ANKRD30BL: variants seen among roughly 807,000 people sequenced by gnomAD.
ANKRD30BL encodes the protein putative ankyrin repeat domain-containing protein 30B-like.
In ANKRD30BL, 20 loss-of-function variants were observed where a neutral mutation model predicts 18.4. The ratio of observed to expected loss-of-function variants is 1.09; its 90% confidence interval spans 0.77 to 1.58. The LOEUF (loss-of-function observed/expected upper bound fraction) is 1.58. Among genes scored for constraint, ANKRD30BL ranks in the 40% most tolerant of loss-of-function variants. ANKRD30BL has a pLI of 0.00. For synonymous variants in ANKRD30BL, 72 were observed against 100.9 expected (o/e 0.71, Z 1.72); for missense variants, 224 against 268.6 (o/e 0.83, Z 1.16).
chr2:132,193,564 G>A (rs1453174598), intron 1 of ANKRD30BL, among the ~76,000 whole-genome samples: 1 of 151,992 alleles, frequency 6.6e-6, no homozygotes, highest in Non-Finnish European at 1.5e-5. Context: ...CCATGACCAT[G>A]TAATCTACTA....
chr2:132,167,269 CATTT>C (rs1451968339), intron 1 of ANKRD30BL, among the ~76,000 whole-genome samples: 1 of 139,722 alleles, frequency 7.2e-6, no homozygotes, highest in African/African-American at 2.8e-5. Flanking sequence ...TAATTACATT[CATTT>C]ATTTTTATTT....
chr2:132,235,348 C>T (rs969450451), intron 1 of ANKRD30BL, among the ~76,000 whole-genome samples: 2 of 152,080 alleles, frequency 1.3e-5, no homozygotes, highest in Non-Finnish European at 2.9e-5. Context: ...GGCAACTAGG[C>T]AGGAGAAGGA....
At chr2:132,211,618 C>G (rs1292148162) in intron 1 of ANKRD30BL, among the ~76,000 whole-genome samples, 1 of 152,050 alleles carries the variant, frequency 6.6e-6, no homozygotes, top group Non-Finnish European at 1.5e-5. Context: ...TTGATGTGTG[C>G]ATTCATCTCA....
At chr2:132,213,539 C>T (rs1679410235) in intron 1 of ANKRD30BL, among the ~76,000 whole-genome samples, 1 of 152,272 alleles carries the variant, frequency 6.6e-6, no homozygotes, top group African/African-American at 2.4e-5. Context: ...ATTTATCTTA[C>T]AGAGTTGAAC....
intron 1 of ANKRD30BL, among the ~76,000 whole-genome samples, chr2:132,200,492 C>T (rs1237701331): frequency 6.6e-6 from 1 of 152,122 alleles, no homozygotes; most frequent in Non-Finnish European, 1.5e-5. Context: ...CATTCTTATA[C>T]ACCAACAACA....
At position 132,238,994 on chromosome 2, in the gene ANKRD30BL, TTC is replaced by T. The variant is rs1242829513; in HGVS notation, n.441+18533_441+18534del. Among the ~76,000 whole-genome samples the T allele has an allele frequency of 2.0e-5, 3 of 152,120 alleles. No homozygotes were observed. The East Asian group carries it at 5.8e-4, about 29-fold the overall frequency. On this transcript the variant is annotated intron_variant and non_coding_transcript_variant, in intron 1 of 4. Coordinates refer to the ANKRD30BL transcript ENST00000470729. ...ACTACACAGAAGCATTCTCAGAAAC[TTC>T]TTTGTGAGACTTGCATTCAACTCAC...
chr2:132,180,482 C>A (rs1688442086), intron 1 of ANKRD30BL, among the ~76,000 whole-genome samples: 4 of 152,182 alleles, frequency 2.6e-5, no homozygotes, highest in Admixed American at 2.6e-4. Flanking sequence ...TCAAGTGATT[C>A]ATGCCTGTAT....
At chr2:132,245,191 A>G (rs1680462142) in intron 1 of ANKRD30BL, among the ~76,000 whole-genome samples, 2 of 152,418 alleles carry the variant, frequency 1.3e-5, no homozygotes, top group South Asian at 4.1e-4. Flanking sequence ...TCGATAGAGC[A>G]GATTGGAAAC....
At chr2:132,213,173 T>C (rs1245749453) in intron 1 of ANKRD30BL, among the ~76,000 whole-genome samples, 1 of 151,796 alleles carries the variant, frequency 6.6e-6, no homozygotes, top group Non-Finnish European at 1.5e-5. Context: ...GACAAAAGCA[T>C]TCTGAGAAAC....
intron 1 of ANKRD30BL, among the ~76,000 whole-genome samples, chr2:132,216,651 T>C (rs1285601117): frequency 6.6e-6 from 1 of 152,112 alleles, no homozygotes; most frequent in African/African-American, 2.4e-5. Context: ...GATCTGCATG[T>C]GGACCTTTGG....
intron 1 of ANKRD30BL, among the ~76,000 whole-genome samples, chr2:132,239,605 T>C (rs1415258792): frequency 1.3e-5 from 2 of 151,700 alleles, no homozygotes; most frequent in African/African-American, 4.8e-5. Context: ...GATATGTGGA[T>C]AGCTTTGAGA....
chr2:132,200,718 C>A (rs1404347738), intron 1 of ANKRD30BL, among the ~76,000 whole-genome samples: 3 of 152,106 alleles, frequency 2.0e-5, no homozygotes, highest in African/African-American at 7.2e-5. Flanking sequence ...GGCCATACTG[C>A]CCAAGGTAAT....
chr2:132,178,989 T>C (rs2104946045), intron 1 of ANKRD30BL, among the ~76,000 whole-genome samples: 1 of 151,888 alleles, frequency 6.6e-6, no homozygotes, highest in South Asian at 2.1e-4. Flanking sequence ...CAACTGATTT[T>C]TGAAGACTAG....
At chr2:132,256,741 C>G (rs1374853305) in intron 1 of ANKRD30BL, among the ~76,000 whole-genome samples, 1 of 152,256 alleles carries the variant, frequency 6.6e-6, no homozygotes, top group Non-Finnish European at 1.5e-5. Flanking sequence ...CGACCTGGTC[C>G]CGAAGGCGCA....
At chr2:132,215,424 G>A (rs1487873863) in intron 1 of ANKRD30BL, among the ~76,000 whole-genome samples, 1 of 152,228 alleles carries the variant, frequency 6.6e-6, no homozygotes, top group Non-Finnish European at 1.5e-5. Context: ...TCACAGAGTT[G>A]AACCTTACTT....
At chr2:132,249,418 C>T (rs796935964) in intron 1 of ANKRD30BL, among the ~76,000 whole-genome samples, 2 of 152,114 alleles carry the variant, frequency 1.3e-5, no homozygotes, top group Non-Finnish European at 2.9e-5. Context: ...AATGAAGTCA[C>T]ACATCACAAA....
At chr2:132,199,245 A>G (rs900630194) in intron 1 of ANKRD30BL, among the ~76,000 whole-genome samples, 1 of 152,104 alleles carries the variant, frequency 6.6e-6, no homozygotes, top group African/African-American at 2.4e-5. Context: ...CTGTAATCCT[A>G]GCTACTCAGG....
intron 1 of ANKRD30BL, among the ~76,000 whole-genome samples, chr2:132,234,772 T>C (rs973348752): frequency 3.3e-5 from 5 of 152,154 alleles, no homozygotes; most frequent in South Asian, 2.1e-4. Flanking sequence ...GAGGAACTGG[T>C]ACCATTCCTT....
intron 1 of ANKRD30BL, among the ~76,000 whole-genome samples, chr2:132,220,320 CTCCCTG>C (rs1166436952): frequency 9.1e-6 from 1 of 109,444 alleles, no homozygotes; most frequent in African/African-American, 4.5e-5. Context: ...CCCTCTCCCT[CTCCCTG>C]TCCCTCTCCC....
Sources: allele counts gnomAD v4.1 joint callset (sites outside exome capture counted in the v4.1 genomes callset), GRCh38; gene constraint gnomAD v4.1.1; transcripts MANE v1.5; gene names NCBI Gene and HGNC (gene_info 2026-07-23, HGNC 2026-07-21).